The following ABTB2 variants were observed in gnomAD, a reference collection of about 807,000 sequenced individuals.
The protein encoded by ABTB2 is ankyrin repeat and BTB domain containing 2.
A neutral mutation model predicts 104.1 loss-of-function variants in ABTB2; 56 were observed. The ratio of observed to expected loss-of-function variants is 0.54; its 90% CI spans 0.43 to 0.67. ABTB2 has a LOEUF of 0.67. Among genes scored for constraint, ABTB2 ranks in the 30% least tolerant of loss-of-function variants. The pLI, the probability that ABTB2 is intolerant of heterozygous loss-of-function variation, is 0.00. For synonymous variants in ABTB2, 606 were observed against 608.2 expected (o/e 1.00, Z 0.05); for missense variants, 1,279 against 1,407.7 (o/e 0.91, Z 1.46).
rs146992608 is a variant in ABTB2, at chr11:34,303,225, T to C, written c.883+53476A>G. 1.8e-4 allele frequency among the ~76,000 whole-genome samples: 28 copies of C among 152,262 alleles called. No homozygotes were observed. The East Asian group carries it at 5.2e-3, about 28-fold the overall frequency. ...GTAAGGCTAGGAAGAAATATAAAGG[T>C]CACTTCCTGTGCTGAGCACTTCCTA... On this transcript the variant is annotated intron_variant, in intron 1 of 16. Coordinates refer to ENST00000435224, the MANE Select transcript of ABTB2 (RefSeq NM_145804.3).
At chr11:34,347,044 TCTC>T (rs765235157) in intron 1 of ABTB2, among the ~76,000 whole-genome samples, 31 of 152,328 alleles carry the variant, frequency 2.0e-4, no homozygotes, top group Middle Eastern at 3.4e-3. Flanking sequence ...CAGTTTAATG[TCTC>T]CTCAACTCTA....
chr11:34,159,246 T>G (rs776845732), intron 14 of ABTB2, 50 bp downstream of exon 14: 3 of 1,469,362 alleles, frequency 2.0e-6, no homozygotes, highest in Non-Finnish European at 2.9e-6. Context: ...GGTGGGCTCC[T>G]GGGGGAGGGT....
intron 1 of ABTB2, among the ~76,000 whole-genome samples, chr11:34,287,733 C>T (rs1854522884): frequency 6.6e-6 from 1 of 152,178 alleles, no homozygotes; most frequent in African/African-American, 2.4e-5. Flanking sequence ...CTTCGAGGGT[C>T]CCCTTCTATT....
At chr11:34,223,287 G>C (rs546216810) in intron 1 of ABTB2, among the ~76,000 whole-genome samples, 1 of 152,088 alleles carries the variant, frequency 6.6e-6, no homozygotes, top group Non-Finnish European at 1.5e-5. Context: ...CAAAGAGGCA[G>C]CCCCATCGGT....
intron 3 of ABTB2, among the ~76,000 whole-genome samples, chr11:34,186,405 TC>T (rs1853099903): frequency 6.6e-6 from 1 of 152,206 alleles, no homozygotes; most frequent in African/African-American, 2.4e-5. Context: ...GCTCCTGTCC[TC>T]CCCCCATCCT....
chr11:34,167,492 G>C, intron 6 of ABTB2, 132 bp from the exon 7 acceptor site: 1 of 790,026 alleles, frequency 1.3e-6, no homozygotes, highest in Non-Finnish European at 2.1e-6. Context: ...GCACAAAGTG[G>C]ACAAGGCTCA....
At chr11:34,246,131 C>G (rs565279646) in intron 1 of ABTB2, among the ~76,000 whole-genome samples, 3 of 152,188 alleles carry the variant, frequency 2.0e-5, no homozygotes, top group Non-Finnish European at 4.4e-5. Context: ...TTTCTCTCTT[C>G]CTAAAAGACA....
intron 1 of ABTB2, among the ~76,000 whole-genome samples, chr11:34,321,917 G>A (rs1855008936): frequency 6.6e-6 from 1 of 152,150 alleles, no homozygotes; most frequent in South Asian, 2.1e-4. Context: ...ACAGCCTTCA[G>A]GACAGTCGGG....
At chr11:34,228,658 T>A (rs879654967) in intron 1 of ABTB2, among the ~76,000 whole-genome samples, 3 of 152,110 alleles carry the variant, frequency 2.0e-5, no homozygotes, top group Admixed American at 6.6e-5. Context: ...GATTACAGCA[T>A]GTGCCACCGC....
chr11:34,239,386 T>G (rs944630962), intron 1 of ABTB2, among the ~76,000 whole-genome samples: 3 of 151,672 alleles, frequency 2.0e-5, no homozygotes, highest in Non-Finnish European at 4.4e-5. Context: ...CATGCTGGAG[T>G]GCAGTGGTAT....
intron 3 of ABTB2, among the ~76,000 whole-genome samples, chr11:34,186,920 G>A (rs1590210911): frequency 6.6e-6 from 1 of 152,174 alleles, no homozygotes; most frequent in Admixed American, 6.5e-5. Flanking sequence ...CCCCGGCTCC[G>A]GGGTCTCACC....
chr11:34,236,680 G>A (rs186669265), intron 1 of ABTB2, among the ~76,000 whole-genome samples: 30 of 152,324 alleles, frequency 2.0e-4, no homozygotes, highest in Admixed American at 9.8e-4. Flanking sequence ...TTGAGATGCC[G>A]ATACATCAGG....
intron 1 of ABTB2, among the ~76,000 whole-genome samples, chr11:34,306,246 T>TTC (rs1170056173): frequency 1.5e-5 from 2 of 129,378 alleles, no homozygotes; most frequent in African/African-American, 6.7e-5. Context: ...ATTTTTTTTT[T>TTC]TTTTTTTTTT....
chr11:34,154,262 C>A lies in ABTB2; in HGVS notation c.2880+3G>T. ...GTGGCCAGCAGGCATCCTTGGCCCT[C>A]ACCTTGGCATATTTGTAGGTGTTCA... On this transcript the variant is annotated splice_donor_region_variant and intron_variant, in intron 16 of 16. Coordinates refer to ENST00000435224, the MANE Select transcript of ABTB2 (RefSeq NM_145804.3). The surrounding 1 kb of genome is among the most constrained non-coding windows in gnomAD (Gnocchi z 4.9). 6.2e-7 allele frequency: 1 copy of A among 1,612,770 alleles called. No individual in the cohort carries two copies. Among genetic ancestry groups the A allele is most frequent in the South Asian group, 1.1e-5 (1 of 90,948 alleles).
intron 1 of ABTB2, among the ~76,000 whole-genome samples, chr11:34,267,352 A>C (rs1470520707): frequency 6.6e-6 from 1 of 152,074 alleles, no homozygotes; most frequent in African/African-American, 2.4e-5. Context: ...TGACTTTCTG[A>C]AGGTCCCTGG....
chr11:34,175,525 C>T (rs919494832), intron 3 of ABTB2, among the ~76,000 whole-genome samples: 2 of 152,222 alleles, frequency 1.3e-5, no homozygotes, highest in African/African-American at 2.4e-5. Context: ...AAATGCATAT[C>T]GCTTTCACAC....
At position 34,170,913 on chromosome 11, in the gene ABTB2, TC is replaced by T. The variant is rs983269726; in HGVS notation, c.1555del (p.Asp519MetfsTer5). On this transcript the variant is annotated frameshift_variant, in exon 5 of 17. Transcript: ENST00000435224. LOFTEE classifies it high-confidence loss of function. ...GGAGCTCTCAGGACGTACCTGGTCA[TC>T]CATGGTGTTAACCCCATCCGGACCC... ...ALGPDGVNTM[D>X]DQGMTPLMYA... 1 of 1,613,810 alleles carries T rather than the reference TC, an allele frequency of 6.2e-7. No individual in the cohort carries two copies. Among genetic ancestry groups the T allele is most frequent in the African/African-American group, 1.3e-5 (1 of 74,924 alleles).
chr11:34,256,659 G>C (rs905469604), intron 1 of ABTB2, among the ~76,000 whole-genome samples: 9 of 152,198 alleles, frequency 5.9e-5, no homozygotes, highest in Non-Finnish European at 1.2e-4. Context: ...GCTTGGTGGA[G>C]GACGAGGTTG....
intron 1 of ABTB2, among the ~76,000 whole-genome samples, chr11:34,288,348 C>A (rs937362280): frequency 2.6e-5 from 4 of 152,106 alleles, no homozygotes; most frequent in Admixed American, 6.6e-5. Context: ...TTTTTCTTCA[C>A]GAATTTCTAT....
Sources: gnomAD v4.1 joint callset for allele counts (sites outside exome capture counted in the v4.1 genomes callset) on GRCh38, gnomAD v4.1.1 for gene constraint, Gnocchi (gnomAD v3.1) non-coding constraint, MANE v1.5 for transcripts, NCBI Gene and HGNC (gene_info 2026-07-23, HGNC 2026-07-21) for gene names.